Variants in CBLN2 observed in about 807,000 individuals in gnomAD.
CBLN2 encodes the protein cerebellin-2.
Under a neutral mutation model 15.0 loss-of-function variants are expected in CBLN2, and 7 were observed. The observed-to-expected ratio is 0.47, with a 90% CI of 0.27 to 0.88. CBLN2 has a LOEUF of 0.88. Ranked by LOEUF, CBLN2 falls within the 40% of genes least tolerant of loss-of-function variation. CBLN2 has a pLI of 0.14. For missense variants in CBLN2, 242 were observed against 304.5 expected (o/e 0.79, Z 1.53); for synonymous variants, 149 against 135.2 (o/e 1.10, Z -0.71).
chr18:72,613,044 G>C (rs913922761), intron 1 of CBLN2, among the ~76,000 whole-genome samples: 11 of 152,206 alleles, frequency 7.2e-5, no homozygotes, highest in Non-Finnish European at 1.0e-4. Flanking sequence ...TTTTGGGGAA[G>C]CATCACCCTG....
exon 1 of CBLN2, chr18:72,638,445 C>A: frequency 2.5e-6 from 1 of 397,566 alleles, no homozygotes; most frequent in Non-Finnish European, 4.4e-6. Context: ...TAGGATCTAT[C>A]CAATGACAGA....
At chr18:72,595,052 A>T (rs2069504255) in intron 1 of CBLN2, among the ~76,000 whole-genome samples, 2 of 139,290 alleles carry the variant, frequency 1.4e-5, no homozygotes, top group African/African-American at 2.7e-5. Flanking sequence ...GATCTTTATT[A>T]TTTCTTTTCT....
At chr18:72,565,761 T>G (rs1392736327) in intron 1 of CBLN2, among the ~76,000 whole-genome samples, 3 of 152,138 alleles carry the variant, frequency 2.0e-5, no homozygotes, top group African/African-American at 7.2e-5. Context: ...GAGCAAAGAT[T>G]TTTTGGCTAA....
At chr18:72,612,873 C>A (rs1191535506) in intron 1 of CBLN2, among the ~76,000 whole-genome samples, 1 of 152,150 alleles carries the variant, frequency 6.6e-6, no homozygotes, top group African/African-American at 2.4e-5. Context: ...AAACTGGGTG[C>A]CCAAAAAACA....
upstream of CBLN2, among the ~76,000 whole-genome samples, chr18:72,545,443 G>A (rs2069151429): frequency 6.6e-6 from 1 of 152,182 alleles, no homozygotes. Flanking sequence ...TAAAGTAAAT[G>A]TCATACTTCA....
chr18:72,627,876 T>C (rs1335333408), intron 1 of CBLN2, among the ~76,000 whole-genome samples: 3 of 152,252 alleles, frequency 2.0e-5, no homozygotes, highest in Non-Finnish European at 4.4e-5. Flanking sequence ...TTCTATTTTA[T>C]GCAGTAATTT....
chr18:72,613,650 CA>C (rs35402421), intron 1 of CBLN2, among the ~76,000 whole-genome samples: 3 of 152,098 alleles, frequency 2.0e-5, no homozygotes, highest in Non-Finnish European at 4.4e-5. Context: ...TCAAAGAAGA[CA>C]AAATGCCAAA....
Position 72,538,341 on chromosome 18 carries a change from G to T in CBLN2, c.510C>A (p.Ile170=). ...VSLMQNGYPV[I]SAFAGDQDVT... is the part of the protein sequence containing the mutation. The stretch of plus-strand genomic sequence containing the variant: ...CATCCTGGTCTCCTGCAAAGGCCGA[G>T]ATCACTGGGTAGCCATTCTGCATTA... The change falls in exon 5 of 5, where the codon ATC becomes ATA. Residue 170 remains isoleucine, a synonymous_variant. Coordinates refer to ENST00000269503, the MANE Select transcript of CBLN2 (RefSeq NM_182511.4). 1 of 1,614,200 alleles carries T rather than the reference G, an allele frequency of 6.2e-7. No homozygotes were observed. Among genetic ancestry groups the T allele is most frequent in the East Asian group, 2.2e-5 (1 of 44,876 alleles).
chr18:72,584,496 G>T (rs941738105), intron 1 of CBLN2, among the ~76,000 whole-genome samples: 1 of 151,840 alleles, frequency 6.6e-6, no homozygotes, highest in East Asian at 1.9e-4. Flanking sequence ...TAGAGCTAGG[G>T]TTTCACCGTG....
Position 72,543,742 on chromosome 18 carries a change from C to G in CBLN2, c.-211-212G>C, listed in dbSNP as rs991052783. 6.6e-6 allele frequency among the ~76,000 whole-genome samples: 1 copy of G among 151,834 alleles called. No individual in the cohort carries two copies. On this transcript the variant is annotated intron_variant, in intron 1 of 4. Coordinates refer to ENST00000269503, the MANE Select transcript of CBLN2 (RefSeq NM_182511.4). This position sits in a 1 kb window ranked among gnomAD's most constrained non-coding sequence, Gnocchi z 6.8. ...CCGCGTCTCGCCCGGCTCAGCGCCC[C>G]GCGCTGTGCGCCCAGGTGCCTCCAA...
At position 72,610,203 on chromosome 18, in the gene CBLN2, G is replaced by A. The variant is rs749591152; in HGVS notation, c.15+28122C>T. Reference sequence around the variant, plus strand: ...TGTTGTTTTTAGCCTGAGCCTCAGCGCACTCCTCTCCCCCATCTCTCTTCC... The same window carrying A: ...TGTTGTTTTTAGCCTGAGCCTCAGCACACTCCTCTCCCCCATCTCTCTTCC... On this transcript the variant is annotated intron_variant, in intron 1 of 2. Transcript: ENST00000581073. Among the ~76,000 whole-genome samples, 4 of 152,098 alleles carry A rather than the reference G, an allele frequency of 2.6e-5. No individual in the cohort carries two copies. The South Asian group carries it at 6.2e-4, about 24-fold the overall frequency.
At chr18:72,606,549 C>T (rs1701026260) in intron 1 of CBLN2, among the ~76,000 whole-genome samples, 1 of 152,158 alleles carries the variant, frequency 6.6e-6, no homozygotes, top group East Asian at 1.9e-4. Context: ...CCCTTAGAAT[C>T]ATATCCTAGT....
intron 1 of CBLN2, among the ~76,000 whole-genome samples, chr18:72,627,520 G>T (rs947669277): frequency 1.3e-5 from 2 of 152,168 alleles, no homozygotes; most frequent in Non-Finnish European, 2.9e-5. Flanking sequence ...ACTGTTTATT[G>T]CTTTGAATAC....
At chr18:72,633,837 T>C (rs1377551671) in intron 1 of CBLN2, among the ~76,000 whole-genome samples, 1 of 152,084 alleles carries the variant, frequency 6.6e-6, no homozygotes, top group Non-Finnish European at 1.5e-5. Context: ...AAATCATAGA[T>C]TAATAAATAT....
intron 3 of CBLN2, chr18:72,539,024 G>A (rs748667936): frequency 3.1e-5 from 13 of 421,276 alleles, no homozygotes; most frequent in Non-Finnish European, 4.7e-5. Flanking sequence ...TTTTAATTAT[G>A]CATTCAAAAA....
chr18:72,571,131 T>C (rs1308552661), intron 1 of CBLN2, among the ~76,000 whole-genome samples: 3 of 152,162 alleles, frequency 2.0e-5, no homozygotes, highest in Admixed American at 6.6e-5. Context: ...TCAGGGCACT[T>C]CTAATTTCTT....
chr18:72,618,825 G>A lies in CBLN2; in HGVS notation c.15+19500C>T, dbSNP rs549709547. The stretch of plus-strand genomic sequence containing the variant: ...AAGCCCTGTCAAAGCAAGAGATGGC[G>A]AGTGCTTCATCCAGCCAAAGAGATT... On this transcript the variant is annotated intron_variant, in intron 1 of 2. Transcript: ENST00000581073. 105 of 736,590 alleles carry A rather than the reference G, an allele frequency of 1.4e-4. No homozygotes were observed. In the African/African-American group the frequency reaches 1.5e-3, roughly 10 times the overall value. 45.6% of individuals were successfully genotyped at this position (736,590 alleles called of 1,614,324 possible). A position where few individuals can be genotyped will look rare whatever the true frequency, so the allele number is the denominator to read the frequency against.
intron 1 of CBLN2, among the ~76,000 whole-genome samples, chr18:72,578,078 T>G (rs1406547174): frequency 6.6e-6 from 1 of 152,254 alleles, no homozygotes. Flanking sequence ...GTTCACCTTT[T>G]GAAGCTTCAA....
At position 72,576,146 on chromosome 18, in the gene CBLN2, G is replaced by A. The variant is rs1050570616; in HGVS notation, c.16-37374C>T. On this transcript the variant is annotated intron_variant, in intron 1 of 2. Coordinates refer to the CBLN2 transcript ENST00000581073. ...GCAGTTTGCACATTTACAACGGCAGGTATTTCTATGCAGCTTTTTGTTGTT... is the reference window on the plus strand; with the variant it reads ...GCAGTTTGCACATTTACAACGGCAGATATTTCTATGCAGCTTTTTGTTGTT... Among the ~76,000 whole-genome samples, 8 of 152,330 alleles carry A rather than the reference G, an allele frequency of 5.3e-5. No homozygotes were observed. In the East Asian group the frequency reaches 1.5e-3, roughly 29 times the overall value.
Sources: allele counts gnomAD v4.1 joint callset (sites outside exome capture counted in the v4.1 genomes callset), GRCh38; gene constraint gnomAD v4.1.1; non-coding constraint Gnocchi (gnomAD v3.1); transcripts MANE v1.5; gene names NCBI Gene and HGNC (gene_info 2026-07-23, HGNC 2026-07-21).